The following FAT3 variants were observed in gnomAD, a reference collection of about 807,000 sequenced individuals.
FAT3 encodes the protein FAT atypical cadherin 3, also known as protocadherin Fat 3.
Under a neutral mutation model 310.2 loss-of-function variants are expected in FAT3, and 95 were observed. That is an observed-to-expected ratio of 0.31 (90% CI 0.26 to 0.36). The LOEUF (loss-of-function observed/expected upper bound fraction) is 0.36, where lower values mean the gene tolerates loss of function less well. Ranked by LOEUF, FAT3 falls within the 10% of genes least tolerant of loss-of-function variation. FAT3 has a pLI of 1.00. For missense variants in FAT3, 5,408 were observed against 5,715.6 expected, an observed-to-expected ratio of 0.95 and a Z score of 1.74; for synonymous variants, 2,314 against 2,192.9, an observed-to-expected ratio of 1.06 and a Z score of -1.54.
At chr11:92,537,458 TC>T (rs759312409) in intron 3 of FAT3, among the ~76,000 whole-genome samples, 28 of 152,112 alleles carry the variant, frequency 1.8e-4, no homozygotes, top group Non-Finnish European at 3.2e-4. Flanking sequence ...CTTAGCAGCC[TC>T]CTTTCCTGTG....
rs2136414786 is a variant in FAT3, at chr11:92,883,155, C to A, written c.12699C>A (p.Arg4233=). The A allele has an allele frequency of 6.2e-7, 1 of 1,613,610 alleles. No individual in the cohort carries two copies. The highest frequency in any genetic ancestry group is 8.5e-7 in the Non-Finnish European group (1 of 1,179,844). ...TGGGGCCCCCGCAGGTCCCCGTGCG[C>A]CCCATGGCCTACACACCCTGCTTCC... The part of the protein sequence containing the change: ...QEVGPPQVPV[R]PMAYTPCFQS... Residue 4233 remains arginine, a synonymous_variant, in exon 24 of 28, where the codon CGC becomes CGA. Transcript: ENST00000525166. The surrounding 1 kb of genome is among the most constrained non-coding windows in gnomAD (Gnocchi z 4.2).
chr11:92,831,539 A>G, intron 13 of FAT3, 83 bp from the exon 14 acceptor site: 3 of 1,240,416 alleles, frequency 2.4e-6, no homozygotes, highest in Non-Finnish European at 3.3e-6. Context: ...GTGGCCCTTC[A>G]AAAGTCTGCA....
intron 19 of FAT3, among the ~76,000 whole-genome samples, chr11:92,845,525 T>A (rs983432224): frequency 6.6e-6 from 1 of 152,178 alleles, no homozygotes; most frequent in Non-Finnish European, 1.5e-5. Flanking sequence ...TTCATGTTTG[T>A]TGATGTAACT....
intron 3 of FAT3, among the ~76,000 whole-genome samples, chr11:92,582,806 A>T (rs1017702836): frequency 2.0e-5 from 3 of 152,034 alleles, no homozygotes; most frequent in African/African-American, 7.2e-5. Context: ...CCTAAGATAA[A>T]AGTCCTATCC....
intron 3 of FAT3, among the ~76,000 whole-genome samples, chr11:92,548,454 T>C (rs1954689545): frequency 6.6e-6 from 1 of 152,230 alleles, no homozygotes; most frequent in Non-Finnish European, 1.5e-5. Flanking sequence ...CCTTGAATTA[T>C]CTTTTTATTT....
At chr11:92,805,380 C>T (rs2136200499) in intron 11 of FAT3, 31 bp downstream of exon 11, 1 of 1,578,386 alleles carries the variant, frequency 6.3e-7, no homozygotes, top group Non-Finnish European at 8.6e-7. Flanking sequence ...TCTGCTTTTA[C>T]TCTGCTTCTC....
chr11:92,560,333 T>C (rs566644328), intron 3 of FAT3, among the ~76,000 whole-genome samples: 1 of 152,346 alleles, frequency 6.6e-6, no homozygotes, highest in South Asian at 2.1e-4. Flanking sequence ...TTATATGTAC[T>C]AGATAGAAGA....
chr11:92,758,137 T>A (rs1047958782), intron 4 of FAT3, among the ~76,000 whole-genome samples: 10 of 152,204 alleles, frequency 6.6e-5, no homozygotes, highest in Admixed American at 6.5e-5. Flanking sequence ...AGTGAATTCT[T>A]GATTTCATAG....
intron 1 of FAT3, among the ~76,000 whole-genome samples, chr11:92,290,808 A>T (rs1269317500): frequency 6.6e-6 from 1 of 152,000 alleles, no homozygotes; most frequent in Non-Finnish European, 1.5e-5. Context: ...TAAAAGAGGT[A>T]TTCTGAGAAC....
chr11:92,609,405 T>C (rs1375245492), intron 3 of FAT3, among the ~76,000 whole-genome samples: 2 of 152,212 alleles, frequency 1.3e-5, no homozygotes, highest in African/African-American at 4.8e-5. Flanking sequence ...TCTTTGACAG[T>C]CTGTGTATAT....
chr11:92,548,014 G>A (rs1000776307), intron 3 of FAT3, among the ~76,000 whole-genome samples: 1 of 152,152 alleles, frequency 6.6e-6, no homozygotes, highest in African/African-American at 2.4e-5. Flanking sequence ...TCTACAAGCA[G>A]TACTAGCTTG....
intron 3 of FAT3, among the ~76,000 whole-genome samples, chr11:92,614,216 T>C (rs955485016): frequency 2.0e-5 from 3 of 152,224 alleles, no homozygotes; most frequent in South Asian, 2.1e-4. Flanking sequence ...AACATTCATG[T>C]ACAAGTTTTT....
intron 3 of FAT3, among the ~76,000 whole-genome samples, chr11:92,627,060 T>A (rs1485055539): frequency 6.6e-6 from 1 of 152,232 alleles, no homozygotes; most frequent in African/African-American, 2.4e-5. Flanking sequence ...AAATCCCCAT[T>A]TATTAGTTAT....
chr11:92,367,096 A>G (rs1949044449), intron 2 of FAT3: 1 of 452,858 alleles, frequency 2.2e-6, no homozygotes, highest in Non-Finnish European at 4.4e-6. Flanking sequence ...GCAGGTGTCA[A>G]ATTCAGAGCC....
intron 3 of FAT3, among the ~76,000 whole-genome samples, chr11:92,604,470 T>C (rs930335528): frequency 6.6e-6 from 1 of 152,150 alleles, no homozygotes; most frequent in Non-Finnish European, 1.5e-5. Flanking sequence ...CCCTGGGTAG[T>C]CTCCAGTCTC....
rs1338097198 is a variant in FAT3 at position 92,353,699 on chromosome 11, C to G, written c.1587C>G (p.Ser529Arg). 6.2e-7 allele frequency: 1 copy of G among 1,613,898 alleles called. No homozygotes were observed. The highest frequency in any genetic ancestry group is 1.7e-5 in the Admixed American group (1 of 59,976). Residue 529 changes from serine (S) to arginine (R), a missense_variant, in exon 2 of 28, where the codon AGC (serine) becomes AGG (arginine). Ser to Arg is a moderately radical substitution (Grantham distance 110). This residue lies in a region of FAT3 where 4,588 missense variants were observed against 4,809.8 expected (regional missense o/e 0.95). Coordinates refer to ENST00000525166, the MANE Select transcript of FAT3 (RefSeq NM_001367949.2). ...FVINQFTGVI[S>R]TTEELDFESS... ...TTAATCAGTTTACAGGTGTTATTAG[C>G]ACAACTGAAGAACTGGATTTTGAAT... is the stretch of plus-strand genomic sequence containing the variant.
chr11:92,798,849 C>T lies in FAT3; in HGVS notation c.5836C>T (p.Leu1946Phe), dbSNP rs553161110. 1.4e-5 allele frequency: 22 copies of T among 1,613,882 alleles called. 2 individuals carry two copies. In the South Asian group the frequency reaches 2.2e-4, roughly 16 times the overall value. Residue 1946 changes from leucine to phenylalanine, a missense_variant, in exon 10 of 28, where the codon CTC becomes TTC. Physicochemically the swap from Leu to Phe is conservative, Grantham distance 22. Transcript: ENST00000525166. ...SGVLTIKNNNLSKDHYMLIVK... is the reference protein window; with the variant it reads ...SGVLTIKNNNFSKDHYMLIVK... ...AGTACTTACCATAAAAAACAACAAC[C>T]TCTCCAAGGATCACTACATGCTGAT...
intron 4 of FAT3, among the ~76,000 whole-genome samples, chr11:92,706,373 G>T (rs1366865836): frequency 6.6e-6 from 1 of 152,068 alleles, no homozygotes; most frequent in Non-Finnish European, 1.5e-5. Flanking sequence ...ATGGGTCTGG[G>T]TAGGTCAGTA....
At chr11:92,315,502 TATATATATATAGAGAGAGAGAGAG>T (rs1947425312) in intron 1 of FAT3, among the ~76,000 whole-genome samples, 2 of 91,760 alleles carry the variant, frequency 2.2e-5, no homozygotes, top group African/African-American at 8.4e-5. Context: ...TATATATATA[TATATATATATAGAGAGAGAGAGAG>T]AGAGAGAGAG....
Sources: gnomAD v4.1 joint callset for allele counts (sites outside exome capture counted in the v4.1 genomes callset) on GRCh38, gnomAD v4.1.1 for gene constraint, gnomAD v4.1.1 regional missense constraint, Gnocchi (gnomAD v3.1) non-coding constraint, MANE v1.5 for transcripts, NCBI Gene and HGNC (gene_info 2026-07-23, HGNC 2026-07-21) for gene names.